Variants in DLGAP1 observed in about 807,000 individuals in gnomAD.
DLGAP1 encodes the protein DLG associated protein 1, also known as disks large-associated protein 1.
A neutral mutation model predicts 90.8 loss-of-function variants in DLGAP1; 11 were observed. That is an observed-to-expected ratio of 0.12 (90% CI 0.08 to 0.20). The LOEUF (loss-of-function observed/expected upper bound fraction) is 0.20. Among genes scored for constraint, DLGAP1 ranks in the 10% least tolerant of loss-of-function variants. The pLI, the probability that DLGAP1 is intolerant of heterozygous loss-of-function variation, is 1.00. For missense variants in DLGAP1, 1,050 were observed against 1,333.8 expected (o/e 0.79, Z 3.31); for synonymous variants, 558 against 540.7 (o/e 1.03, Z -0.44).
intron 1 of DLGAP1, among the ~76,000 whole-genome samples, chr18:4,356,866 G>C (rs1158318898): frequency 2.0e-5 from 3 of 152,070 alleles, no homozygotes; most frequent in Non-Finnish European, 4.4e-5. Flanking sequence ...CTAGTCCACT[G>C]GCCCCCTTGG....
At chr18:3,545,585 C>T (rs185950063) in intron 9 of DLGAP1, among the ~76,000 whole-genome samples, 7 of 152,128 alleles carry the variant, frequency 4.6e-5, no homozygotes, top group East Asian at 1.9e-4. Flanking sequence ...GGCCGGGAGC[C>T]GTGGCTTATA....
chr18:4,295,404 G>A (rs1378388645), intron 1 of DLGAP1: 1 of 152,118 alleles, frequency 6.6e-6, no homozygotes, highest in Non-Finnish European at 1.5e-5. Context: ...TGGTTGAGTT[G>A]CACTGAATTG....
chr18:4,321,609 A>G (rs777711974), intron 1 of DLGAP1, among the ~76,000 whole-genome samples: 57 of 152,224 alleles, frequency 3.7e-4, no homozygotes, highest in Non-Finnish European at 7.5e-4. Flanking sequence ...GATACTGAAA[A>G]CAGGCTTTGA....
At chr18:3,794,098 T>TCATTAGG (rs1430244106) in intron 5 of DLGAP1, among the ~76,000 whole-genome samples, 2 of 152,282 alleles carry the variant, frequency 1.3e-5, no homozygotes, top group Non-Finnish European at 2.9e-5. Flanking sequence ...CACATATACT[T>TCATTAGG]AAATGCTTCA....
At chr18:3,947,259 G>A (rs764981685) in intron 3 of DLGAP1, among the ~76,000 whole-genome samples, 8 of 152,162 alleles carry the variant, frequency 5.3e-5, no homozygotes, top group Non-Finnish European at 1.0e-4. Flanking sequence ...GCACTGAGCC[G>A]ATACTTCCAA....
intron 2 of DLGAP1, among the ~76,000 whole-genome samples, chr18:4,121,299 G>C (rs1350121717): frequency 2.0e-5 from 3 of 152,122 alleles, no homozygotes; most frequent in Non-Finnish European, 4.4e-5. Context: ...AGGAGGTAAT[G>C]CTGTGGAAGT....
Position 3,737,637 on chromosome 18 carries a change from GCTAT to G in DLGAP1, c.1350+4694_1350+4697del, listed in dbSNP as rs569849114. Among the ~76,000 whole-genome samples the G allele has an allele frequency of 1.6e-4, 23 of 145,770 alleles. 1 individual carries two copies. In the South Asian group the frequency reaches 5.3e-3, roughly 33 times the overall value. ...TGGGATGTATTTCAAAATAATAAGA[GCTAT>G]CTATGACAAACCCACAGCCAATATC... On this transcript the variant is annotated intron_variant, in intron 6 of 12. Transcript: ENST00000315677.
intron 1 of DLGAP1, among the ~76,000 whole-genome samples, chr18:4,407,649 C>T (rs1056047289): frequency 1.8e-4 from 27 of 151,968 alleles, no homozygotes; most frequent in Non-Finnish European, 7.4e-5. Context: ...GAGGCTGAGG[C>T]GGTAGGATCA....
At chr18:4,212,725 A>G (rs1006828029) in intron 1 of DLGAP1, among the ~76,000 whole-genome samples, 2 of 152,070 alleles carry the variant, frequency 1.3e-5, no homozygotes, top group Non-Finnish European at 2.9e-5. Flanking sequence ...AATATCCCTC[A>G]TAATACAAAT....
intron 1 of DLGAP1, among the ~76,000 whole-genome samples, chr18:4,417,296 C>T (rs1420325280): frequency 6.6e-6 from 1 of 151,942 alleles, no homozygotes; most frequent in East Asian, 1.9e-4. Flanking sequence ...ATATTTTGTT[C>T]TAGAAATAGA....
At chr18:3,522,619 T>C (rs1308938293) in intron 10 of DLGAP1, among the ~76,000 whole-genome samples, 1 of 143,120 alleles carries the variant, frequency 7.0e-6, no homozygotes, top group African/African-American at 2.6e-5. Flanking sequence ...CTCGGCTAAC[T>C]GCAACCTCCG....
chr18:3,956,222 A>G (rs1203396196), intron 3 of DLGAP1, among the ~76,000 whole-genome samples: 2 of 152,234 alleles, frequency 1.3e-5, no homozygotes, highest in Non-Finnish European at 2.9e-5. Flanking sequence ...ATGGTGGTAG[A>G]TTGCTCACAG....
chr18:4,351,609 A>G (rs11877943), intron 1 of DLGAP1, among the ~76,000 whole-genome samples: 5,738 of 152,278 alleles, frequency 0.038, 125 homozygotes, highest in African/African-American at 0.051. Context: ...GCAAAAAATC[A>G]GTATCTAAAA....
chr18:3,995,659 T>G (rs1432782911), intron 3 of DLGAP1: 1 of 151,894 alleles, frequency 6.6e-6, no homozygotes, highest in Non-Finnish European at 1.5e-5. Flanking sequence ...TTTCCAAGCC[T>G]CTTGAGAGTT....
At chr18:4,140,533 A>C (rs911742562) in intron 2 of DLGAP1, among the ~76,000 whole-genome samples, 1 of 151,958 alleles carries the variant, frequency 6.6e-6, no homozygotes, top group African/African-American at 2.4e-5. Flanking sequence ...TTCATCTCTT[A>C]GTCTTTCTAG....
At position 3,499,183 on chromosome 18, in the gene DLGAP1, G is replaced by T. The variant is rs761208348; in HGVS notation, c.*2C>A. The T allele has an allele frequency of 3.8e-6, 6 of 1,566,274 alleles. No homozygotes were observed. In the African/African-American group the frequency reaches 6.9e-5, roughly 18 times the overall value. On this transcript the variant is annotated 3_prime_UTR_variant, in exon 13 of 13. Coordinates refer to ENST00000315677, the MANE Select transcript of DLGAP1 (RefSeq NM_004746.4). This position sits in a 1 kb window ranked among gnomAD's most constrained non-coding sequence, Gnocchi z 6.4. ...GGCGGCGGCGGCCGGGCTGCGGGGC[G>T]CTCAGAGCCGGGTCTGCGCCTCGGG... is the stretch of plus-strand genomic sequence containing the variant.
At chr18:3,745,964 C>T (rs934236876) in intron 5 of DLGAP1, among the ~76,000 whole-genome samples, 6 of 152,174 alleles carry the variant, frequency 3.9e-5, no homozygotes, top group African/African-American at 1.4e-4. Flanking sequence ...GCTGGGATTA[C>T]AGGAGTGTGC....
At chr18:3,846,014 A>C (rs184741360) in intron 4 of DLGAP1, among the ~76,000 whole-genome samples, 1 of 151,018 alleles carries the variant, frequency 6.6e-6, no homozygotes, top group Admixed American at 6.6e-5. Context: ...TCCATAGAGA[A>C]ACATCCCAGA....
intron 7 of DLGAP1, among the ~76,000 whole-genome samples, chr18:3,698,171 T>C (rs1028160562): frequency 6.6e-6 from 1 of 152,194 alleles, no homozygotes; most frequent in African/African-American, 2.4e-5. Context: ...AATTGGGGCA[T>C]TTAGCCTGTT....
Sources: allele counts gnomAD v4.1 joint callset (sites outside exome capture counted in the v4.1 genomes callset), GRCh38; gene constraint gnomAD v4.1.1; non-coding constraint Gnocchi (gnomAD v3.1); transcripts MANE v1.5; gene names NCBI Gene and HGNC (gene_info 2026-07-23, HGNC 2026-07-21).